The following WDR41 variants were observed in gnomAD, a reference collection of about 807,000 sequenced individuals.
WDR41 encodes WD repeat-containing protein 41.
A neutral mutation model predicts 69.3 loss-of-function variants in WDR41; 63 were observed. That is an observed-to-expected ratio of 0.91 (90% CI 0.74 to 1.12). The LOEUF (loss-of-function observed/expected upper bound fraction) is 1.12, where lower values mean the gene tolerates loss of function less well. Among genes scored for constraint, WDR41 ranks in the 50% most tolerant of loss-of-function variants. The pLI is 0.00. For missense variants in WDR41, 543 were observed against 534.5 expected (o/e 1.02, Z -0.16); for synonymous variants, 185 against 192.1 (o/e 0.96, Z 0.31).
At chr5:77,499,320 G>A (rs1259501919) in intron 1 of WDR41, 1 of 152,262 alleles carries the variant, frequency 6.6e-6, no homozygotes, top group East Asian at 1.9e-4. Flanking sequence ...GAAAGAGAAA[G>A]GTGTACCTTC....
chr5:77,606,271 C>T (rs1053953234), intron 1 of WDR41, among the ~76,000 whole-genome samples: 1 of 152,046 alleles, frequency 6.6e-6, no homozygotes, highest in Non-Finnish European at 1.5e-5. Context: ...GAGCCAGAAA[C>T]TGGTCATAAG....
chr5:77,571,218 A>G (rs562077961), intron 1 of WDR41, among the ~76,000 whole-genome samples: 2 of 152,182 alleles, frequency 1.3e-5, no homozygotes, highest in South Asian at 2.1e-4. Context: ...TTTTGGGGGG[A>G]AAATTTATGT....
At chr5:77,462,270 G>A (rs1042856840) in intron 4 of WDR41, among the ~76,000 whole-genome samples, 2 of 151,902 alleles carry the variant, frequency 1.3e-5, no homozygotes, top group East Asian at 1.9e-4. Flanking sequence ...TTAGCTGGGC[G>A]TGGTGGCACA....
intron 1 of WDR41, among the ~76,000 whole-genome samples, chr5:77,509,759 G>C (rs1015282130): frequency 6.6e-6 from 1 of 152,148 alleles, no homozygotes; most frequent in South Asian, 2.1e-4. Flanking sequence ...ACCTAAAATT[G>C]ACTATGGTAA....
chr5:77,512,773 A>G (rs113789929), intron 1 of WDR41, among the ~76,000 whole-genome samples: 12 of 151,192 alleles, frequency 7.9e-5, no homozygotes, highest in Admixed American at 6.6e-5. Flanking sequence ...AAAATTGGTC[A>G]GGCGGGACCT....
intron 2 of WDR41, among the ~76,000 whole-genome samples, chr5:77,472,619 T>A (rs1433562030): frequency 7.2e-5 from 11 of 151,886 alleles, no homozygotes; most frequent in African/African-American, 1.2e-4. Flanking sequence ...AAGCATTCTT[T>A]TACACCAATA....
At chr5:77,578,307 G>A (rs2112285762) in intron 1 of WDR41, among the ~76,000 whole-genome samples, 1 of 152,230 alleles carries the variant, frequency 6.6e-6, no homozygotes, top group Non-Finnish European at 1.5e-5. Context: ...GTAGAGGGTA[G>A]GATTCACTAA....
At chr5:77,554,119 A>T (rs565224124) in intron 1 of WDR41, among the ~76,000 whole-genome samples, 3 of 152,210 alleles carry the variant, frequency 2.0e-5, no homozygotes, top group Non-Finnish European at 4.4e-5. Context: ...GATACATATG[A>T]CTTGGATGTC....
At chr5:77,487,800 G>A (rs1046531433) in intron 2 of WDR41, among the ~76,000 whole-genome samples, 1 of 152,166 alleles carries the variant, frequency 6.6e-6, no homozygotes, top group Non-Finnish European at 1.5e-5. Flanking sequence ...TACCAGTCAC[G>A]GTGGGGAGGG....
intron 4 of WDR41, among the ~76,000 whole-genome samples, chr5:77,460,753 C>T (rs1241341694): frequency 2.6e-5 from 4 of 152,018 alleles, no homozygotes; most frequent in African/African-American, 9.7e-5. Context: ...TAATTTTGTG[C>T]GTTAAACAAA....
chr5:77,605,246 C>T (rs1225424026), intron 1 of WDR41, among the ~76,000 whole-genome samples: 1 of 152,192 alleles, frequency 6.6e-6, no homozygotes, highest in Non-Finnish European at 1.5e-5. Context: ...AGCACACATT[C>T]TGTCTGCTCC....
At chr5:77,532,395 T>C (rs13164053) in intron 1 of WDR41, among the ~76,000 whole-genome samples, 49,967 of 151,960 alleles carry the variant, frequency 0.33, 8,364 homozygotes, top group Middle Eastern at 0.36. Flanking sequence ...TTAGTCATTA[T>C]TCACTGAAGT....
At chr5:77,490,969 A>G (rs186117691) in intron 1 of WDR41, among the ~76,000 whole-genome samples, 17 of 152,348 alleles carry the variant, frequency 1.1e-4, no homozygotes, top group African/African-American at 4.1e-4. Flanking sequence ...CTAAACAAAT[A>G]CTTCTTATGA....
chr5:77,454,484 T>C (rs1422494699), intron 5 of WDR41, among the ~76,000 whole-genome samples: 1 of 152,252 alleles, frequency 6.6e-6, no homozygotes, highest in African/African-American at 2.4e-5. Flanking sequence ...AAATTACTAA[T>C]ACACAATTGC....
At chr5:77,577,901 C>T (rs1263517173) in intron 1 of WDR41, among the ~76,000 whole-genome samples, 1 of 152,154 alleles carries the variant, frequency 6.6e-6, no homozygotes, top group Non-Finnish European at 1.5e-5. Context: ...TAAAAATGCT[C>T]ACTCAGAACA....
chr5:77,533,349 ATAGG>A (rs1333769516), intron 1 of WDR41, among the ~76,000 whole-genome samples: 2 of 152,214 alleles, frequency 1.3e-5, no homozygotes, highest in African/African-American at 4.8e-5. Flanking sequence ...TTAAGGAAAG[ATAGG>A]TAGTCAGAAG....
chr5:77,569,038 C>G lies in WDR41; in HGVS notation c.42+51441G>C, dbSNP rs568480958. Among the ~76,000 whole-genome samples the G allele has an allele frequency of 5.3e-5, 8 of 152,282 alleles. No individual in the cohort carries two copies. In the East Asian group the frequency reaches 1.3e-3, roughly 26 times the overall value. ...CCTGCCTTTCTCTGGTTCTTTCCCA[C>G]TGTTCAAGCACTTTGACACTTTGTG... is the stretch of plus-strand genomic sequence containing the variant. On this transcript the variant is annotated intron_variant, in intron 1 of 5. Transcript: ENST00000509971.
intron 1 of WDR41, among the ~76,000 whole-genome samples, chr5:77,517,596 T>A (rs947256873): frequency 4.0e-5 from 6 of 149,022 alleles, no homozygotes; most frequent in African/African-American, 1.2e-4. Context: ...AACTAGAAAA[T>A]TCTAACATAT....
chr5:77,441,065 T>C (rs1799143965), intron 8 of WDR41, 68 bp from the exon 9 acceptor site: 1 of 1,524,158 alleles, frequency 6.6e-7, no homozygotes, highest in Non-Finnish European at 8.9e-7. Flanking sequence ...CTGAATGGAA[T>C]GTCTAGTAGT....
Sources: gnomAD v4.1 joint callset for allele counts (sites outside exome capture counted in the v4.1 genomes callset) on GRCh38, gnomAD v4.1.1 for gene constraint, MANE v1.5 for transcripts, NCBI Gene and HGNC (gene_info 2026-07-23, HGNC 2026-07-21) for gene names.